CFAP299: variants seen among roughly 807,000 people sequenced by gnomAD.
CFAP299 encodes cilia and flagella associated protein 299.
A neutral mutation model predicts 27.0 loss-of-function variants in CFAP299; 21 were observed. That is an observed-to-expected ratio of 0.78 (90% CI 0.55 to 1.12). The LOEUF is 1.12. Ranked by LOEUF, CFAP299 falls within the 50% of genes most tolerant of loss-of-function variation. The probability of loss-of-function intolerance (pLI) is 0.00; values close to 1 mark genes in which losing one functional copy is unlikely to be tolerated. For missense variants in CFAP299, 310 were observed against 276.6 expected (o/e 1.12, Z -0.86); for synonymous variants, 104 against 98.1 (o/e 1.06, Z -0.36).
chr4:80,918,045 T>C (rs1735849667), intron 4 of CFAP299, among the ~76,000 whole-genome samples: 1 of 152,172 alleles, frequency 6.6e-6, no homozygotes, highest in African/African-American at 2.4e-5. Context: ...CTACTTGCTG[T>C]ACCATTAGCT....
At chr4:80,927,028 G>A (rs1736343006) in intron 4 of CFAP299, among the ~76,000 whole-genome samples, 1 of 152,004 alleles carries the variant, frequency 6.6e-6, no homozygotes, top group Admixed American at 6.6e-5. Flanking sequence ...GGATAAACCA[G>A]CACATATTTC....
intron 3 of CFAP299, among the ~76,000 whole-genome samples, chr4:80,676,221 T>G (rs1293115202): frequency 6.6e-6 from 1 of 152,214 alleles, no homozygotes; most frequent in East Asian, 1.9e-4. Flanking sequence ...TATCATATTG[T>G]TTTTGTCCTT....
chr4:80,654,549 G>T (rs1740460428), intron 3 of CFAP299, among the ~76,000 whole-genome samples: 1 of 152,086 alleles, frequency 6.6e-6, no homozygotes, highest in Admixed American at 6.6e-5. Context: ...CATGTCCACA[G>T]ATCCACCTTC....
At chr4:80,447,140 T>TTTTG (rs1728668796) in intron 2 of CFAP299, among the ~76,000 whole-genome samples, 1 of 126,542 alleles carries the variant, frequency 7.9e-6, no homozygotes, top group African/African-American at 3.5e-5. Context: ...GTTTTTTTTT[T>TTTTG]TTTTTTTTTT....
upstream of CFAP299, among the ~76,000 whole-genome samples, chr4:80,331,323 A>G (rs1424301472): frequency 6.6e-6 from 1 of 152,212 alleles, no homozygotes; most frequent in Non-Finnish European, 1.5e-5. Flanking sequence ...ACAAAACTGT[A>G]CTTTATCCTA....
intron 2 of CFAP299, among the ~76,000 whole-genome samples, chr4:80,411,610 A>G (rs563223796): frequency 6.6e-6 from 1 of 152,026 alleles, no homozygotes; most frequent in Non-Finnish European, 1.5e-5. Flanking sequence ...ACCCGAAGCT[A>G]TATATTATGC....
intron 4 of CFAP299, among the ~76,000 whole-genome samples, chr4:80,937,408 C>T (rs1333390641): frequency 6.8e-6 from 1 of 146,044 alleles, no homozygotes; most frequent in African/African-American, 2.6e-5. Flanking sequence ...CATCAATATC[C>T]CAGGCTCAAT....
chr4:80,390,403 C>G (rs1024996272), intron 2 of CFAP299, among the ~76,000 whole-genome samples: 1 of 151,504 alleles, frequency 6.6e-6, no homozygotes, highest in African/African-American at 2.4e-5. Flanking sequence ...TTTCACTTGA[C>G]ATAATGTCCT....
At chr4:80,386,615 C>CA in intron 2 of CFAP299, 3 of 1,598,392 alleles carry the variant, frequency 1.9e-6, no homozygotes, top group Non-Finnish European at 1.7e-6. Flanking sequence ...GCCCTTGGCA[C>CA]AGCCAGCATA....
chr4:80,867,871 A>C (rs2110165707), intron 3 of CFAP299, among the ~76,000 whole-genome samples: 1 of 152,248 alleles, frequency 6.6e-6, no homozygotes, highest in East Asian at 1.9e-4. Flanking sequence ...CTATCTTTAC[A>C]TTTTGTGTAT....
intron 2 of CFAP299, among the ~76,000 whole-genome samples, chr4:80,475,775 T>G (rs1370326195): frequency 6.6e-6 from 1 of 152,084 alleles, no homozygotes; most frequent in Non-Finnish European, 1.5e-5. Flanking sequence ...TTTAAAACTA[T>G]GAAACTAATT....
At chr4:80,541,526 T>C (rs998360478) in intron 2 of CFAP299, among the ~76,000 whole-genome samples, 5 of 152,206 alleles carry the variant, frequency 3.3e-5, no homozygotes, top group Non-Finnish European at 5.9e-5. Context: ...CCTTTAATTA[T>C]CTGTTTGATG....
chr4:80,952,005 C>T (rs569216991), intron 5 of CFAP299, among the ~76,000 whole-genome samples: 2 of 151,954 alleles, frequency 1.3e-5, no homozygotes, highest in East Asian at 1.9e-4. Context: ...AGAGAGTGGG[C>T]GAGGGGTTGG....
chr4:80,900,604 G>A (rs1291672891), intron 4 of CFAP299, among the ~76,000 whole-genome samples: 1 of 152,020 alleles, frequency 6.6e-6, no homozygotes, highest in Non-Finnish European at 1.5e-5. Flanking sequence ...AAATTAAGAA[G>A]GGGTTGCTTC....
intron 3 of CFAP299, among the ~76,000 whole-genome samples, chr4:80,591,305 A>T (rs13127693): frequency 0.12 from 17,380 of 150,738 alleles, 1,156 homozygotes; most frequent in South Asian, 0.23. Context: ...TTGTATTTTT[A>T]GTAGAGACGG....
At chr4:80,826,160 C>T (rs1560431569) in intron 3 of CFAP299, among the ~76,000 whole-genome samples, 2 of 151,474 alleles carry the variant, frequency 1.3e-5, no homozygotes, top group Non-Finnish European at 3.0e-5. Context: ...CAAATTAGAG[C>T]ATAATAACTT....
intron 3 of CFAP299, among the ~76,000 whole-genome samples, chr4:80,743,777 T>C (rs1724424749): frequency 6.6e-6 from 1 of 152,212 alleles, no homozygotes; most frequent in Non-Finnish European, 1.5e-5. Flanking sequence ...GGCACATGTA[T>C]ACCTGTGTAA....
chr4:80,932,754 T>C (rs1272569112), intron 4 of CFAP299, among the ~76,000 whole-genome samples: 3 of 152,190 alleles, frequency 2.0e-5, no homozygotes, highest in Non-Finnish European at 2.9e-5. Context: ...AATTCAGCAG[T>C]GTTTAAATGA....
chr4:80,963,578 T>C lies in CFAP299; in HGVS notation c.668T>C (p.Val223Ala). ...CTGACAGAACTCTACGTACAAGCTG[T>C]CATTTTTGACCACATTTCCAGAAGG... The part of the protein sequence containing the change: ...TILTELYVQA[V>A]IFDHISRRKT The change falls in exon 6 of 6, where the codon GTC (valine) becomes GCC (alanine). Residue 223 changes from valine (V) to alanine (A), a missense_variant. Transcript: ENST00000358105. 1 of 1,607,476 alleles carries C rather than the reference T, an allele frequency of 6.2e-7. No individual in the cohort carries two copies. Among genetic ancestry groups the C allele is most frequent in the South Asian group, 1.1e-5 (1 of 90,142 alleles).
Sources: gnomAD v4.1 joint callset for allele counts (sites outside exome capture counted in the v4.1 genomes callset) on GRCh38, gnomAD v4.1.1 for gene constraint, MANE v1.5 for transcripts, NCBI Gene and HGNC (gene_info 2026-07-23, HGNC 2026-07-21) for gene names.